IPO13: variants seen among roughly 807,000 people sequenced by gnomAD.
IPO13 encodes the protein importin 13, also known as importin-13.
A neutral mutation model predicts 115.5 loss-of-function variants in IPO13; 28 were observed. That is an observed-to-expected ratio of 0.24 (90% CI 0.18 to 0.33). IPO13 has a LOEUF of 0.33. IPO13 is among the 10% of genes least tolerant of loss of function. IPO13 has a pLI of 1.00. For synonymous variants in IPO13, 414 were observed against 478.9 expected (o/e 0.86, Z 1.77); for missense variants, 785 against 1,204.6 (o/e 0.65, Z 5.16).
Position 43,956,091 on chromosome 1 carries a change from G to C in IPO13, c.822-229G>C, listed in dbSNP as rs1209744992. ...AGAACACAATTCAACCCATAATGCTGACCTTCTCATACGTCCTTCTCAGAG... is the reference window on the plus strand; with the variant it reads ...AGAACACAATTCAACCCATAATGCTCACCTTCTCATACGTCCTTCTCAGAG... On this transcript the variant is annotated intron_variant, in intron 2 of 19. Coordinates refer to ENST00000372343, the MANE Select transcript of IPO13 (RefSeq NM_014652.4). This position sits in a 1 kb window ranked among gnomAD's most constrained non-coding sequence, Gnocchi z 4.7. Among the ~76,000 whole-genome samples the C allele has an allele frequency of 1.3e-5, 2 of 151,722 alleles. No homozygotes were observed.
Position 43,961,243 on chromosome 1 carries a change from A to G in IPO13, c.2325A>G (p.Thr775=). ...EALFLLVTSV[T]LTLFQQGPRD... ...TCTTCCTGCTCGTCACCTCCGTCACACTCACTCTCTTCCAGCAAGGTAGGT... is the reference window on the plus strand; with the variant it reads ...TCTTCCTGCTCGTCACCTCCGTCACGCTCACTCTCTTCCAGCAAGGTAGGT... The change falls in exon 14 of 20, where the codon ACA becomes ACG. Residue 775 remains threonine (T), a synonymous_variant. Transcript: ENST00000372343. 6.2e-7 allele frequency: 1 copy of G among 1,613,420 alleles called. No homozygotes were observed. Among genetic ancestry groups the G allele is most frequent in the Non-Finnish European group, 8.5e-7 (1 of 1,179,606 alleles).
At position 43,949,536 on chromosome 1, in the gene IPO13, C is replaced by G. The variant is rs772125439; in HGVS notation, c.204C>G (p.Pro68=). The change falls in exon 2 of 20, where the codon CCC becomes CCG. Residue 68 remains proline, a synonymous_variant. Transcript: ENST00000372343. Reference sequence around the variant, plus strand: ...ACTTCAGCTGGCAGCTACTGCAGCCCGACAAGGTACCAGAGATCCAGTACT... The same window carrying G: ...ACTTCAGCTGGCAGCTACTGCAGCCGGACAAGGTACCAGAGATCCAGTACT... ...AWHFSWQLLQ[P]DKVPEIQYFG... 1 of 1,614,186 alleles carries G rather than the reference C, an allele frequency of 6.2e-7. No homozygotes were observed. The highest frequency in any genetic ancestry group is 2.2e-5 in the East Asian group (1 of 44,882).
chr1:43,966,667 G>A lies in IPO13; in HGVS notation c.2464+26G>A, dbSNP rs909074943. 1 of 1,613,838 alleles carries A rather than the reference G, an allele frequency of 6.2e-7. No homozygotes were observed. The highest frequency in any genetic ancestry group is 8.5e-7 in the Non-Finnish European group (1 of 1,179,816). Reference sequence around the variant, plus strand: ...GTAAGTGGGGCGAGATGGACAGGTGGGCCTGGGGCTCCCCTAGAAGGATCG... The same window carrying A: ...GTAAGTGGGGCGAGATGGACAGGTGAGCCTGGGGCTCCCCTAGAAGGATCG... On this transcript the variant is annotated intron_variant, in intron 16 of 19. Coordinates refer to ENST00000372343, the MANE Select transcript of IPO13 (RefSeq NM_014652.4). This position sits in a 1 kb window ranked among gnomAD's most constrained non-coding sequence, Gnocchi z 4.1.
At chr1:43,957,153 T>G in intron 5 of IPO13, 42 bp from the exon 6 acceptor site, 1 of 1,601,086 alleles carries the variant, frequency 6.2e-7, no homozygotes, top group Non-Finnish European at 8.5e-7. Context: ...GGATCCAGGG[T>G]CAGGATCCAG....
rs772740467 is a variant in IPO13 at position 43,960,878 on chromosome 1, G to A, written c.2112G>A (p.Ala704=). Reference sequence around the variant, plus strand: ...GGCCCCTTTGCTTTCTTCCCAAGGCGGTGTGCGCTATCTTTGAGAAGTCTG... The same window carrying A: ...GGCCCCTTTGCTTTCTTCCCAAGGCAGTGTGCGCTATCTTTGAGAAGTCTG... The part of the protein sequence containing the change: ...KWLNDAQVVE[A]VCAIFEKSVK... The change falls in exon 13 of 20, where the codon GCG becomes GCA. Residue 704 remains alanine (A), a splice_region_variant and synonymous_variant. Coordinates refer to ENST00000372343, the MANE Select transcript of IPO13 (RefSeq NM_014652.4). 1.2e-5 allele frequency: 20 copies of A among 1,614,016 alleles called. No individual in the cohort carries two copies. Among genetic ancestry groups the A allele is most frequent in the African/African-American group, 6.7e-5 (5 of 74,942 alleles).
chr1:43,965,527 C>T (rs752624483), intron 15 of IPO13, among the ~76,000 whole-genome samples: 1 of 151,836 alleles, frequency 6.6e-6, no homozygotes, highest in Non-Finnish European at 1.5e-5. Flanking sequence ...CGGAGGGTGT[C>T]TGAATGTGTA....
At position 43,956,005 on chromosome 1, in the gene IPO13, C is replaced by CAAAAAA. The variant is rs5773817; in HGVS notation, c.822-298_822-293dup. 1.8e-5 allele frequency among the ~76,000 whole-genome samples: 2 copies of CAAAAAA among 113,906 alleles called. No homozygotes were observed. The allele number at this position is 113,906 out of a possible 152,430, so 74.7% of individuals were successfully genotyped here. A position where few individuals can be genotyped will look rare whatever the true frequency, so the allele number is the denominator to read the frequency against. On this transcript the variant is annotated intron_variant, in intron 2 of 19. Coordinates refer to ENST00000372343, the MANE Select transcript of IPO13 (RefSeq NM_014652.4). The surrounding 1 kb of genome is among the most constrained non-coding windows in gnomAD (Gnocchi z 4.7). ...TGGGTAACACAGCAAAACCCCATCT[C>CAAAAAA]AAAAAAAAAAAAAAAAAAAAAATCT...
At chr1:43,957,832 C>A in intron 7 of IPO13, 145 bp from the exon 8 acceptor site, 1 of 797,646 alleles carries the variant, frequency 1.3e-6, no homozygotes, top group East Asian at 2.5e-5. Context: ...TTTGAGCATG[C>A]ACATGCATAT....
chr1:43,959,528 TGTG>T (rs1218110718), intron 11 of IPO13, among the ~76,000 whole-genome samples: 1 of 152,250 alleles, frequency 6.6e-6, no homozygotes, highest in Non-Finnish European at 1.5e-5. Context: ...GGATAGTAGA[TGTG>T]GTCTTAAGTG....
chr1:43,947,307 C>G lies in IPO13; in HGVS notation c.-294C>G, dbSNP rs2085173754. 1.5e-5 allele frequency: 6 copies of G among 399,164 alleles called. No individual in the cohort carries two copies. Among genetic ancestry groups the G allele is most frequent in the Non-Finnish European group, 2.7e-5 (6 of 226,360 alleles). The allele number at this position is 399,164 out of a possible 1,614,324, so 24.7% of individuals were successfully genotyped here. A position where few individuals can be genotyped will look rare whatever the true frequency, so the allele number is the denominator to read the frequency against. The stretch of plus-strand genomic sequence containing the variant: ...CCCTGTGACTCCCTCCACACAGATT[C>G]TGGGGACAGAGCTGTTACCTGCCAC... On this transcript the variant is annotated 5_prime_UTR_variant, in exon 1 of 20. Transcript: ENST00000372343.
intron 15 of IPO13, among the ~76,000 whole-genome samples, chr1:43,965,195 T>C (rs1373096164): frequency 6.6e-6 from 1 of 151,908 alleles, no homozygotes; most frequent in African/African-American, 2.4e-5. Flanking sequence ...TGTTGGGCTG[T>C]GGGGGTATGA....
In IPO13 at chr1:43,949,692, G is replaced by A. The variant is rs1347807523; in HGVS notation, c.360G>A (p.Leu120=). The A allele has an allele frequency of 6.2e-7, 1 of 1,614,126 alleles. No individual in the cohort carries two copies. Among genetic ancestry groups the A allele is most frequent in the African/African-American group, 1.3e-5 (1 of 74,948 alleles). The change falls in exon 2 of 20, where the codon CTG becomes CTA. Residue 120 remains leucine (L), a synonymous_variant. Coordinates refer to ENST00000372343, the MANE Select transcript of IPO13 (RefSeq NM_014652.4). ...TTGCCAGTGGCTCCAAGATTGTACT[G>A]ACTCGGCTGTGCGTGGCACTGGCCT... The part of the protein sequence containing the change: ...TRFASGSKIV[L]TRLCVALASL...
rs747888702 is a variant in IPO13, at chr1:43,957,218, T to C, written c.1295T>C (p.Met432Thr). The C allele has an allele frequency of 1.2e-6, 2 of 1,614,062 alleles. No homozygotes were observed. The highest frequency in any genetic ancestry group is 8.5e-7 in the Non-Finnish European group (1 of 1,180,000). ...IYRVDISDTL[M>T]YVYEMLGAEL... ...AGGGTGGACATCTCAGACACGCTCA[T>C]GTATGTCTATGAGATGTTGGGGGCC... Residue 432 changes from methionine to threonine, a missense_variant, in exon 6 of 20, where the codon ATG becomes ACG. Met to Thr is a moderately conservative substitution (Grantham distance 81, BLOSUM62 -1). Coordinates refer to ENST00000372343, the MANE Select transcript of IPO13 (RefSeq NM_014652.4).
At position 43,966,997 on chromosome 1, in the gene IPO13, T is replaced by C. The variant is rs778900841; in HGVS notation, c.2591T>C (p.Met864Thr). 2.5e-6 allele frequency: 4 copies of C among 1,613,832 alleles called. No homozygotes were observed. In the South Asian group the frequency reaches 4.4e-5, roughly 18 times the overall value. ...VGKVVQEDGRMLLIAVLEAIG... is the reference protein window; with the variant it reads ...VGKVVQEDGRTLLIAVLEAIG... ...AAGGTGGTACAGGAAGACGGTCGTA[T>C]GCTGCTCATAGCAGTGCTGGAGGTG... The change falls in exon 18 of 20, where the codon ATG becomes ACG. Residue 864 changes from methionine (M) to threonine (T), a missense_variant. By Grantham distance (81) the Met-to-Thr change is moderately conservative. Around this residue, in one of 3 missense-constraint regions of IPO13, gnomAD observed 285 missense variants for 394.8 expected, o/e 0.72. Transcript: ENST00000372343. The surrounding 1 kb of genome is among the most constrained non-coding windows in gnomAD (Gnocchi z 4.1).
rs755402069 is a variant in IPO13 at position 43,956,626 on chromosome 1, C to T, written c.1029C>T (p.Cys343=). 4.3e-6 allele frequency: 7 copies of T among 1,614,232 alleles called. No homozygotes were observed. The Admixed American group carries it at 1.2e-4, about 27-fold the overall frequency. The change falls in exon 4 of 20, where the codon TGC becomes TGT. Residue 343 remains cysteine, a synonymous_variant. Coordinates refer to ENST00000372343, the MANE Select transcript of IPO13 (RefSeq NM_014652.4). The surrounding 1 kb of genome is among the most constrained non-coding windows in gnomAD (Gnocchi z 4.7). Reference sequence around the variant, plus strand: ...CACTCGTCAACATGATTATGTTCTGCACAGGCATCCCTGGCCACTATCCTG... The same window carrying T: ...CACTCGTCAACATGATTATGTTCTGTACAGGCATCCCTGGCCACTATCCTG... ...FLALVNMIMF[C]TGIPGHYPVN...
Position 43,966,766 on chromosome 1 carries a change from C to A in IPO13, c.2507C>A (p.Ala836Asp), listed in dbSNP as rs1177363541. Reference protein sequence around the residue: ...LKFPEAPTVKASCGFFTELLP... With the variant: ...LKFPEAPTVKDSCGFFTELLP... ...TTCCCTGAGGCACCTACTGTCAAGG[C>A]CTCCTGTGGCTTCTTTGTGAGTCCC... Residue 836 changes from alanine to aspartate, a missense_variant, in exon 17 of 20, where the codon GCC becomes GAC. Transcript: ENST00000372343. The surrounding 1 kb of genome is among the most constrained non-coding windows in gnomAD (Gnocchi z 4.1). 6.2e-7 allele frequency: 1 copy of A among 1,614,190 alleles called. No homozygotes were observed. Among genetic ancestry groups the A allele is most frequent in the Admixed American group, 1.7e-5 (1 of 60,030 alleles).
At position 43,967,461 on chromosome 1, in the gene IPO13, T is replaced by C. The variant is rs2085333820; in HGVS notation, c.2760T>C (p.Pro920=). ...GTTTCCCCTCTGCCCGCCTCAGCCC[T>C]GAACAGAAGGATACCTTCAGCCAGC... ...PPGFPSARLS[P]EQKDTFSQQI... The change falls in exon 19 of 20, where the codon CCT becomes CCC. Residue 920 remains proline, a synonymous_variant. Transcript: ENST00000372343. This position sits in a 1 kb window ranked among gnomAD's most constrained non-coding sequence, Gnocchi z 6.1. The C allele has an allele frequency of 6.2e-7, 1 of 1,614,028 alleles. No individual in the cohort carries two copies. The highest frequency in any genetic ancestry group is 1.1e-5 in the South Asian group (1 of 91,092).
In IPO13 at chr1:43,956,584, C is replaced by G; in HGVS notation, c.987C>G (p.His329Gln). The change falls in exon 4 of 20, where the codon CAC (histidine) becomes CAG (glutamine). Residue 329 changes from histidine to glutamine, a missense_variant. Physicochemically the swap from His to Gln is conservative, Grantham distance 24. Coordinates refer to ENST00000372343, the MANE Select transcript of IPO13 (RefSeq NM_014652.4). The surrounding 1 kb of genome is among the most constrained non-coding windows in gnomAD (Gnocchi z 4.7). ...HSRALLDQVEHWQSFLALVNM... is the reference protein window; with the variant it reads ...HSRALLDQVEQWQSFLALVNM... ...GGGCCTTGCTGGACCAAGTAGAGCA[C>G]TGGCAGAGTTTCCTGGCACTCGTCA... 1 of 1,614,232 alleles carries G rather than the reference C, an allele frequency of 6.2e-7. No individual in the cohort carries two copies. Among genetic ancestry groups the G allele is most frequent in the Non-Finnish European group, 8.5e-7 (1 of 1,180,040 alleles).
chr1:43,955,263 C>CTTT (rs545350043), intron 2 of IPO13, among the ~76,000 whole-genome samples: 143 of 143,790 alleles, frequency 9.9e-4, no homozygotes, highest in African/African-American at 3.4e-3. Flanking sequence ...CTTCCAAAGT[C>CTTT]TTTTTTTTTT....
Sources: gnomAD v4.1 joint callset for allele counts (sites outside exome capture counted in the v4.1 genomes callset) on GRCh38, gnomAD v4.1.1 for gene constraint, gnomAD v4.1.1 regional missense constraint, Gnocchi (gnomAD v3.1) non-coding constraint, MANE v1.5 for transcripts, NCBI Gene and HGNC (gene_info 2026-07-23, HGNC 2026-07-21) for gene names.